IPCEF1: variants seen among roughly 807,000 people sequenced by gnomAD.
IPCEF1 encodes the protein interactor protein for cytohesin exchange factors 1.
IPCEF1 carries 31 observed loss-of-function variants against 50.9 expected under a neutral mutation model. The observed-to-expected ratio is 0.61, with a 90% CI of 0.46 to 0.82. IPCEF1 has a LOEUF of 0.82. IPCEF1 is among the 40% of genes least tolerant of loss of function. The pLI, the probability that IPCEF1 is intolerant of heterozygous loss-of-function variation, is 0.00. For synonymous variants in IPCEF1, 181 were observed against 192.0 expected (o/e 0.94, Z 0.47); for missense variants, 458 against 514.0 (o/e 0.89, Z 1.05).
chr6:154,175,461 T>A (rs971135107), intron 10 of IPCEF1, among the ~76,000 whole-genome samples: 2 of 144,904 alleles, frequency 1.4e-5, no homozygotes, highest in Non-Finnish European at 1.5e-5. Context: ...AAGAATCAAA[T>A]AGACACAATA....
At chr6:154,286,801 T>A (rs1258554472) in intron 2 of IPCEF1, among the ~76,000 whole-genome samples, 2 of 152,182 alleles carry the variant, frequency 1.3e-5, no homozygotes, top group African/African-American at 4.8e-5. Flanking sequence ...CACAAGGACA[T>A]CTGAAAAAAC....
intron 9 of IPCEF1, among the ~76,000 whole-genome samples, chr6:154,208,340 G>T (rs1056003623): frequency 1.4e-4 from 22 of 152,096 alleles, no homozygotes; most frequent in African/African-American, 5.3e-4. Flanking sequence ...TATCCACTTG[G>T]CTGACTCTCA....
At chr6:154,277,422 A>G (rs1562576459) in intron 2 of IPCEF1, among the ~76,000 whole-genome samples, 1 of 152,242 alleles carries the variant, frequency 6.6e-6, no homozygotes, top group Non-Finnish European at 1.5e-5. Flanking sequence ...TTTCTCTGAA[A>G]TCATAACATG....
chr6:154,167,257 C>CTT (rs1799513789), intron 11 of IPCEF1, among the ~76,000 whole-genome samples: 1 of 152,224 alleles, frequency 6.6e-6, no homozygotes, highest in Non-Finnish European at 1.5e-5. Flanking sequence ...AAGCAGGACA[C>CTT]TTTTGTTATG....
chr6:154,177,297 TTAAAC>T (rs1800416484), intron 10 of IPCEF1, among the ~76,000 whole-genome samples: 1 of 152,094 alleles, frequency 6.6e-6, no homozygotes, highest in South Asian at 2.1e-4. Context: ...CGGGATCTAA[TTAAAC>T]TAAGAAGCTT....
intron 7 of IPCEF1, among the ~76,000 whole-genome samples, chr6:154,218,736 A>T (rs1196393829): frequency 6.6e-6 from 1 of 152,262 alleles, no homozygotes; most frequent in Non-Finnish European, 1.5e-5. Context: ...GATATTATAA[A>T]CATGAGAAGT....
At chr6:154,311,575 T>C (rs1436417928) in intron 1 of IPCEF1, among the ~76,000 whole-genome samples, 1 of 152,190 alleles carries the variant, frequency 6.6e-6, no homozygotes, top group Admixed American at 6.5e-5. Context: ...AAGTGCTCAT[T>C]ATGTTTCCTC....
At chr6:154,171,735 A>G (rs1478619415) in intron 10 of IPCEF1, among the ~76,000 whole-genome samples, 1 of 152,188 alleles carries the variant, frequency 6.6e-6, no homozygotes, top group African/African-American at 2.4e-5. Context: ...GTCAAGCTGG[A>G]GACACTGGAA....
intron 3 of IPCEF1, among the ~76,000 whole-genome samples, chr6:154,248,996 T>G (rs1217109232): frequency 2.0e-5 from 3 of 152,188 alleles, no homozygotes; most frequent in Admixed American, 2.0e-4. Flanking sequence ...TTATATTTCC[T>G]GGGAAATATA....
intron 3 of IPCEF1, among the ~76,000 whole-genome samples, chr6:154,257,473 A>G (rs1170544127): frequency 1.3e-5 from 2 of 151,128 alleles, no homozygotes; most frequent in East Asian, 3.8e-4. Context: ...TCTGAGCCTA[A>G]CTATCATTTT....
intron 7 of IPCEF1, among the ~76,000 whole-genome samples, chr6:154,215,305 A>G (rs1778300645): frequency 6.6e-6 from 1 of 152,114 alleles, no homozygotes. Context: ...ATTTTTGAAT[A>G]GAAAATATAT....
chr6:154,181,673 C>A (rs1442865297), intron 10 of IPCEF1, among the ~76,000 whole-genome samples: 1 of 152,194 alleles, frequency 6.6e-6, no homozygotes, highest in Non-Finnish European at 1.5e-5. Flanking sequence ...CCACCCGGAG[C>A]CTCTGCTGCT....
At chr6:154,256,549 C>G (rs1781466192) in intron 3 of IPCEF1, among the ~76,000 whole-genome samples, 1 of 137,660 alleles carries the variant, frequency 7.3e-6, no homozygotes, top group South Asian at 2.4e-4. Context: ...CTCTCTCTCT[C>G]TCTCTCTCTC....
At chr6:154,238,255 A>G (rs899826352) in intron 5 of IPCEF1, among the ~76,000 whole-genome samples, 8 of 151,910 alleles carry the variant, frequency 5.3e-5, no homozygotes, top group Admixed American at 5.2e-4. Flanking sequence ...AGGAACCTTT[A>G]TTTATTTATT....
rs376645187 is a variant in IPCEF1, at chr6:154,252,624, G to A, written c.37-5136C>T. ...CCAGAGACGGAGGCTGCAGTATGCC[G>A]AGATCATGCCATTGCACTCTAGCTG... On this transcript the variant is annotated intron_variant, in intron 3 of 11. Transcript: ENST00000367220. 9.9e-4 allele frequency among the ~76,000 whole-genome samples: 150 copies of A among 152,200 alleles called. 3 individuals are homozygous for A. In the South Asian group the frequency reaches 0.031, roughly 31 times the overall value.
intron 10 of IPCEF1, among the ~76,000 whole-genome samples, chr6:154,181,425 G>A (rs897385737): frequency 5.3e-5 from 8 of 152,144 alleles, no homozygotes; most frequent in African/African-American, 1.9e-4. Flanking sequence ...AATTCACAAA[G>A]AGACAAACCT....
In IPCEF1 at chr6:154,220,143, G is replaced by T. The variant is rs569699013; in HGVS notation, c.392+1114C>A. Among the ~76,000 whole-genome samples the T allele has an allele frequency of 1.8e-4, 28 of 152,218 alleles. 2 individuals are homozygous for T. In the South Asian group the frequency reaches 5.2e-3, roughly 28 times the overall value. On this transcript the variant is annotated intron_variant, in intron 7 of 11. Coordinates refer to ENST00000367220, the MANE Select transcript of IPCEF1 (RefSeq NM_001130700.2). ...TAAGGAAATCATTATAAGTAAAACA[G>T]GTTAAGCGTAAGCTCTGTGAATGGA...
At chr6:154,342,194 C>T (rs1365705357) in intron 1 of IPCEF1, among the ~76,000 whole-genome samples, 1 of 152,114 alleles carries the variant, frequency 6.6e-6, no homozygotes, top group Non-Finnish European at 1.5e-5. Context: ...AAGTCTAGCT[C>T]CTAAACCTGA....
At chr6:154,277,823 G>T (rs999612816) in intron 2 of IPCEF1, among the ~76,000 whole-genome samples, 1 of 151,946 alleles carries the variant, frequency 6.6e-6, no homozygotes, top group Non-Finnish European at 1.5e-5. Flanking sequence ...TTGTCTTTGG[G>T]TTGCTTTTTT....
Sources: allele counts gnomAD v4.1 joint callset (sites outside exome capture counted in the v4.1 genomes callset), GRCh38; gene constraint gnomAD v4.1.1; transcripts MANE v1.5; gene names NCBI Gene and HGNC (gene_info 2026-07-23, HGNC 2026-07-21).